The following OLA1 variants were observed in gnomAD, a reference collection of about 807,000 sequenced individuals.
OLA1 encodes Obg like ATPase 1.
OLA1 carries 14 observed loss-of-function variants against 48.4 expected under a neutral mutation model. The observed-to-expected ratio is 0.29, with a 90% CI of 0.19 to 0.45. The LOEUF (loss-of-function observed/expected upper bound fraction) is 0.45, where lower values mean the gene tolerates loss of function less well. OLA1 is among the 20% of genes least tolerant of loss of function. The probability of loss-of-function intolerance (pLI) is 1.00; values close to 1 mark genes in which losing one functional copy is unlikely to be tolerated. For synonymous variants in OLA1, 127 were observed against 150.4 expected, an observed-to-expected ratio of 0.84 and a Z score of 1.14; for missense variants, 325 against 467.1, an observed-to-expected ratio of 0.70 and a Z score of 2.80.
chr2:174,145,487 C>T (rs1686571842), intron 4 of OLA1, among the ~76,000 whole-genome samples: 1 of 152,078 alleles, frequency 6.6e-6, no homozygotes, highest in African/African-American at 2.4e-5. Context: ...TACACTGCAA[C>T]GCTCGATGAG....
intron 5 of OLA1, among the ~76,000 whole-genome samples, chr2:174,136,343 T>C (rs1686308796): frequency 6.6e-6 from 1 of 152,250 alleles, no homozygotes; most frequent in African/African-American, 2.4e-5. Flanking sequence ...ACTAAGTGTA[T>C]GTGATATTCT....
Position 174,218,180 on chromosome 2 carries a change from T to A in OLA1, c.373+4853A>T, listed in dbSNP as rs568712952. ...ATGTGCCACTGCAACTGGCTTTGAA[T>A]TTTTTTTTTCAGCTCCTTACTATCA... On this transcript the variant is annotated intron_variant, in intron 4 of 10. Coordinates refer to ENST00000284719, the MANE Select transcript of OLA1 (RefSeq NM_013341.5). Among the ~76,000 whole-genome samples the A allele has an allele frequency of 1.3e-3, 193 of 150,580 alleles. 1 individual carries two copies. The highest frequency in any genetic ancestry group is 4.5e-3 in the African/African-American group (185 of 40,936).
At chr2:174,231,625 T>C (rs1441819516) in intron 2 of OLA1, among the ~76,000 whole-genome samples, 1 of 152,174 alleles carries the variant, frequency 6.6e-6, no homozygotes, top group Non-Finnish European at 1.5e-5. Flanking sequence ...GAAAATTCCT[T>C]AGGCAGAAAA....
intron 4 of OLA1, among the ~76,000 whole-genome samples, chr2:174,155,661 T>G (rs1686859210): frequency 6.6e-6 from 1 of 152,154 alleles, no homozygotes; most frequent in Non-Finnish European, 1.5e-5. Context: ...CAAACAATTG[T>G]TTAAATGTAT....
chr2:174,186,191 G>A (rs950299859), intron 4 of OLA1, among the ~76,000 whole-genome samples: 3 of 152,148 alleles, frequency 2.0e-5, no homozygotes, highest in Non-Finnish European at 4.4e-5. Context: ...TAAATTTATT[G>A]TCTTCACAAT....
intron 4 of OLA1, among the ~76,000 whole-genome samples, chr2:174,214,295 T>C (rs1475217572): frequency 6.6e-6 from 1 of 152,162 alleles, no homozygotes; most frequent in Non-Finnish European, 1.5e-5. Flanking sequence ...ACTGTGCCAC[T>C]GCACTCCAGC....
chr2:174,138,185 C>T (rs903278713), intron 5 of OLA1, among the ~76,000 whole-genome samples: 3 of 152,222 alleles, frequency 2.0e-5, no homozygotes, highest in African/African-American at 4.8e-5. Flanking sequence ...AACATGCCTT[C>T]CTCACTAAGC....
At chr2:174,141,633 G>A (rs965664764) in intron 5 of OLA1, among the ~76,000 whole-genome samples, 192 bp downstream of exon 5, 1 of 151,994 alleles carries the variant, frequency 6.6e-6, no homozygotes, top group African/African-American at 2.4e-5. Context: ...GCTTAGAACC[G>A]CCTAAATAGC....
chr2:174,111,514 C>A (rs114743183), intron 7 of OLA1, among the ~76,000 whole-genome samples: 3 of 152,124 alleles, frequency 2.0e-5, no homozygotes, highest in Non-Finnish European at 2.9e-5. Flanking sequence ...TATGTAAACA[C>A]CCCAAAGTGC....
At position 174,228,332 on chromosome 2, in the gene OLA1, AATT is replaced by A. The variant is rs1465657377; in HGVS notation, c.245+973_245+975del. Among the ~76,000 whole-genome samples, 9 of 152,326 alleles carry A rather than the reference AATT, an allele frequency of 5.9e-5. No homozygotes were observed. The East Asian group carries it at 9.6e-4, about 16-fold the overall frequency. ...CAATAAATATAAGTATTATATTAGA[AATT>A]ATTACTTAAGTCTGTATTGCTTAAT... On this transcript the variant is annotated intron_variant, in intron 3 of 10. Coordinates refer to ENST00000284719, the MANE Select transcript of OLA1 (RefSeq NM_013341.5).
chr2:174,101,006 T>C (rs1685384274), intron 7 of OLA1, among the ~76,000 whole-genome samples: 2 of 152,354 alleles, frequency 1.3e-5, no homozygotes, highest in East Asian at 1.9e-4. Context: ...ATGTATAAGA[T>C]ATGAACATGT....
chr2:174,155,092 A>C (rs187789567), intron 4 of OLA1, among the ~76,000 whole-genome samples: 35 of 152,272 alleles, frequency 2.3e-4, no homozygotes, highest in Admixed American at 2.2e-3. Context: ...ACAATAATCT[A>C]TCCATTCTAT....
chr2:174,131,879 T>C (rs542697220), intron 5 of OLA1, among the ~76,000 whole-genome samples: 1 of 152,214 alleles, frequency 6.6e-6, no homozygotes, highest in South Asian at 2.1e-4. Context: ...CTCTCTTACA[T>C]TGTAAGATTT....
At chr2:174,228,284 T>A (rs536339513) in intron 3 of OLA1, among the ~76,000 whole-genome samples, 42 of 152,288 alleles carry the variant, frequency 2.8e-4, no homozygotes, top group Non-Finnish European at 5.6e-4. Flanking sequence ...AATGGTAAAC[T>A]GTGCTACATT....
At chr2:174,144,951 A>AAATATATATATAT (rs1181030817) in intron 4 of OLA1, among the ~76,000 whole-genome samples, 2 of 40,298 alleles carry the variant, frequency 5.0e-5, no homozygotes, top group East Asian at 1.9e-3. Context: ...AAAAAAAAAA[A>AAATATATATATAT]ATATATATAT....
intron 7 of OLA1, among the ~76,000 whole-genome samples, chr2:174,110,487 C>G (rs1685622985): frequency 6.6e-6 from 1 of 151,686 alleles, no homozygotes; most frequent in Non-Finnish European, 1.5e-5. Context: ...CTCTGTCACC[C>G]AGGCTGGAGT....
intron 4 of OLA1, among the ~76,000 whole-genome samples, chr2:174,194,384 C>T (rs979837710): frequency 6.6e-6 from 1 of 152,104 alleles, no homozygotes; most frequent in Non-Finnish European, 1.5e-5. Context: ...ACTGGTGTCC[C>T]GTTGTGTCTA....
At chr2:174,178,994 T>C (rs1271352306) in intron 4 of OLA1, among the ~76,000 whole-genome samples, 4 of 151,944 alleles carry the variant, frequency 2.6e-5, no homozygotes, top group Non-Finnish European at 5.9e-5. Flanking sequence ...TTATTTTGTA[T>C]TGGTTTAGTT....
chr2:174,075,783 A>T (rs923510903), intron 10 of OLA1, among the ~76,000 whole-genome samples: 2 of 152,204 alleles, frequency 1.3e-5, no homozygotes, highest in African/African-American at 4.8e-5. Flanking sequence ...CATAAATGTA[A>T]TTATACCAAT....
Sources: gnomAD v4.1 joint callset for allele counts (sites outside exome capture counted in the v4.1 genomes callset) on GRCh38, gnomAD v4.1.1 for gene constraint, MANE v1.5 for transcripts, NCBI Gene and HGNC (gene_info 2026-07-23, HGNC 2026-07-21) for gene names.